The following KANK4 variants were observed in gnomAD, a reference collection of about 807,000 sequenced individuals.
The protein encoded by KANK4 is KN motif and ankyrin repeat domain-containing protein 4.
Under a neutral mutation model 80.8 loss-of-function variants are expected in KANK4, and 50 were observed. The ratio of observed to expected loss-of-function variants is 0.62; its 90% CI spans 0.49 to 0.78. The LOEUF (loss-of-function observed/expected upper bound fraction) is 0.78. Ranked by LOEUF, KANK4 falls within the 30% of genes least tolerant of loss-of-function variation. The pLI is 0.00. For missense variants in KANK4, 1,196 were observed against 1,240.1 expected (o/e 0.96, Z 0.53); for synonymous variants, 465 against 506.9 (o/e 0.92, Z 1.11).
chr1:62,313,291 G>A (rs1188057229), intron 1 of KANK4, among the ~76,000 whole-genome samples: 1 of 152,190 alleles, frequency 6.6e-6, no homozygotes, highest in Non-Finnish European at 1.5e-5. Context: ...TGGGAAAGGA[G>A]GTACTACTGT....
chr1:62,275,499 TAAAGGATAAG>T (rs1222085688), intron 2 of KANK4, among the ~76,000 whole-genome samples: 2 of 152,208 alleles, frequency 1.3e-5, no homozygotes, highest in African/African-American at 2.4e-5. Flanking sequence ...TGGAAGGGTT[TAAAGGATAAG>T]ATACACAAGT....
At chr1:62,285,823 T>A (rs979429261) in intron 1 of KANK4, among the ~76,000 whole-genome samples, 9 of 151,692 alleles carry the variant, frequency 5.9e-5, no homozygotes, top group Admixed American at 1.3e-4. Flanking sequence ...GGACTGATCA[T>A]GCCAAGATGA....
chr1:62,272,529 A>G (rs181975408), intron 3 of KANK4: 3 of 152,382 alleles, frequency 2.0e-5, no homozygotes, highest in East Asian at 1.9e-4. Flanking sequence ...CCTTTGCACA[A>G]TGCAAATGAG....
intron 7 of KANK4, among the ~76,000 whole-genome samples, chr1:62,262,587 A>T (rs1319669386): frequency 2.0e-5 from 3 of 152,144 alleles, no homozygotes; most frequent in African/African-American, 7.2e-5. Context: ...AAAAATAAAT[A>T]TATAACGTAT....
At chr1:62,296,189 A>C (rs1045837481) in intron 1 of KANK4, among the ~76,000 whole-genome samples, 1 of 152,244 alleles carries the variant, frequency 6.6e-6, no homozygotes, top group Non-Finnish European at 1.5e-5. Context: ...CAAAAGTCTT[A>C]AATTTTTTCT....
chr1:62,247,362 A>G, intron 9 of KANK4, 110 bp downstream of exon 9: 1 of 903,700 alleles, frequency 1.1e-6, no homozygotes, highest in Non-Finnish European at 1.8e-6. Context: ...CTGGTCTCGA[A>G]CTCCTGGGCT....
At chr1:62,249,545 A>ATTTT (rs35046139) in intron 8 of KANK4, among the ~76,000 whole-genome samples, 1 of 138,688 alleles carries the variant, frequency 7.2e-6, no homozygotes, top group Non-Finnish European at 1.5e-5. Flanking sequence ...CATCTGGCCA[A>ATTTT]TTTTTTTTTT....
intron 8 of KANK4, among the ~76,000 whole-genome samples, chr1:62,250,360 C>T (rs1671584065): frequency 6.6e-6 from 1 of 152,194 alleles, no homozygotes; most frequent in African/African-American, 2.4e-5. Context: ...ATGCAGGGCC[C>T]CTTCCTTCCT....
In KANK4 at chr1:62,274,496, G is replaced by T. The variant is rs1368158007; in HGVS notation, c.608C>A (p.Thr203Asn). 3 of 1,614,084 alleles carry T rather than the reference G, an allele frequency of 1.9e-6. No homozygotes were observed. The highest frequency in any genetic ancestry group is 2.5e-6 in the Non-Finnish European group (3 of 1,180,042). Residue 203 changes from threonine to asparagine, a missense_variant, in exon 3 of 10, where the codon ACC becomes AAC. Transcript: ENST00000371153. ...TGCCAATCCTTCTGCAGGTTCAAAG[G>T]TGCCATCACAGACACTGCCTTCACC... ...LQGEGSVCDG[T>N]FEPAEGLAGF...
chr1:62,266,745 G>T lies in KANK4; in HGVS notation c.2306C>A (p.Thr769Lys). The change falls in exon 6 of 10, where the codon ACA (threonine) becomes AAA (lysine). Residue 769 changes from threonine (T) to lysine (K), a missense_variant. By Grantham distance (78) the Thr-to-Lys change is moderately conservative. Transcript: ENST00000371153. Reference protein sequence around the residue: ...SQHLPETGTTTDQLLRQSLNT... With the variant: ...SQHLPETGTTKDQLLRQSLNT... ...AAATTAGAGTACCAAGAGCTGGTCT[G>T]TGGTGGTCCCAGTTTCTGGCAGATG... is the stretch of plus-strand genomic sequence containing the variant. The T allele has an allele frequency of 6.2e-7, 1 of 1,606,822 alleles. No homozygotes were observed. Among genetic ancestry groups the T allele is most frequent in the Non-Finnish European group, 8.5e-7 (1 of 1,173,340 alleles).
chr1:62,287,339 C>T (rs1672591776), intron 1 of KANK4, among the ~76,000 whole-genome samples: 1 of 152,176 alleles, frequency 6.6e-6, no homozygotes, highest in South Asian at 2.1e-4. Context: ...GGTGCTCTAA[C>T]CAAGTGAGGC....
chr1:62,271,156 T>C (rs774086889), intron 4 of KANK4, among the ~76,000 whole-genome samples: 4 of 152,166 alleles, frequency 2.6e-5, no homozygotes, highest in Non-Finnish European at 5.9e-5. Flanking sequence ...GAATTTGTAC[T>C]AGTTTCAGTT....
intron 5 of KANK4, 116 bp from the exon 6 acceptor site, chr1:62,266,935 A>G (rs1672035807): frequency 1.4e-5 from 9 of 659,194 alleles, no homozygotes; most frequent in Non-Finnish European, 2.7e-6. Context: ...AAACTGGGCA[A>G]CTGCCCTAGG....
At chr1:62,281,781 A>G (rs1024014264) in intron 1 of KANK4, 147 bp from the exon 2 acceptor site, 1 of 618,806 alleles carries the variant, frequency 1.6e-6, no homozygotes, top group Non-Finnish European at 2.9e-6. Context: ...AGGAAGATTA[A>G]AAACCTGTAC....
chr1:62,279,744 G>A (rs753959141), intron 2 of KANK4, among the ~76,000 whole-genome samples: 2 of 152,210 alleles, frequency 1.3e-5, no homozygotes, highest in African/African-American at 2.4e-5. Context: ...TGCGGCAGGC[G>A]AGGATTCACT....
chr1:62,318,896 C>G (rs556961695), intron 1 of KANK4, among the ~76,000 whole-genome samples: 1 of 152,316 alleles, frequency 6.6e-6, no homozygotes, highest in South Asian at 2.1e-4. Flanking sequence ...AGACCCCAGG[C>G]TGGGAGGCGG....
chr1:62,251,767 G>GCACTT (rs1243494211), intron 8 of KANK4, among the ~76,000 whole-genome samples: 3,847 of 152,306 alleles, frequency 0.025, 152 homozygotes, highest in African/African-American at 0.089. Flanking sequence ...CCCGAGGCGG[G>GCACTT]TGGATCACCT....
chr1:62,238,511 T>C (rs1044585280), intron 9 of KANK4, 130 bp from the exon 10 acceptor site: 1 of 650,040 alleles, frequency 1.5e-6, no homozygotes, highest in Non-Finnish European at 2.7e-6. Flanking sequence ...GAGACCTCGG[T>C]AGAGAAGATT....
intron 1 of KANK4, among the ~76,000 whole-genome samples, chr1:62,283,910 C>T (rs1307346097): frequency 6.6e-6 from 1 of 152,122 alleles, no homozygotes; most frequent in Non-Finnish European, 1.5e-5. Flanking sequence ...CTGTAGAGAC[C>T]TCGAAGATTT....
Sources: allele counts gnomAD v4.1 joint callset (sites outside exome capture counted in the v4.1 genomes callset), GRCh38; gene constraint gnomAD v4.1.1; transcripts MANE v1.5; gene names NCBI Gene and HGNC (gene_info 2026-07-23, HGNC 2026-07-21).